ATP10B: variants seen among roughly 807,000 people sequenced by gnomAD.
ATP10B encodes phospholipid-transporting ATPase VB.
Under a neutral mutation model 141.2 loss-of-function variants are expected in ATP10B, and 122 were observed. That is an observed-to-expected ratio of 0.86 (90% CI 0.75 to 1.00). The LOEUF (loss-of-function observed/expected upper bound fraction) is 1.00, where lower values mean the gene tolerates loss of function less well. Among genes scored for constraint, ATP10B ranks in the 50% least tolerant of loss-of-function variants. The probability of loss-of-function intolerance (pLI) is 0.00; values close to 1 mark genes in which losing one functional copy is unlikely to be tolerated. For missense variants in ATP10B, 1,876 were observed against 1,825.3 expected (o/e 1.03, Z -0.51); for synonymous variants, 685 against 692.0 (o/e 0.99, Z 0.16).
chr5:160,819,051 T>C (rs985272698), intron 1 of ATP10B, among the ~76,000 whole-genome samples: 1 of 152,124 alleles, frequency 6.6e-6, no homozygotes, highest in Non-Finnish European at 1.5e-5. Flanking sequence ...CTAATGCTAA[T>C]GACGAGTTAA....
chr5:160,604,181 G>A, intron 19 of ATP10B, 140 bp from the exon 20 acceptor site: 1 of 651,664 alleles, frequency 1.5e-6, no homozygotes, highest in Non-Finnish European at 2.8e-6. Context: ...TTGCTATAGT[G>A]CTTAGCTTGA....
rs1365817593 is a variant in ATP10B at position 160,652,818 on chromosome 5, A to G, written c.676-3562T>C. ...TATAATATATTATATAATATATTAT[A>G]TATTAATTATATATAATATATATTA... On this transcript the variant is annotated intron_variant, in intron 7 of 25. Transcript: ENST00000327245. Among the ~76,000 whole-genome samples the G allele has an allele frequency of 2.9e-5, 3 of 103,916 alleles. 1 individual carries two copies. The highest frequency in any genetic ancestry group is 1.3e-4 in the African/African-American group (3 of 23,926). 68.2% of individuals were successfully genotyped at this position (103,916 alleles called of 152,430 possible).
the ATP10B span, among the ~76,000 whole-genome samples, chr5:160,916,397 G>GTTTTTTTTTTTTTTTTTTTT: frequency 1.3e-5 from 2 of 151,888 alleles, no homozygotes; most frequent in African/African-American, 4.8e-5. Context: ...GGCAAAAGAT[G>GTTTTTTTTTTTTTTTTTTTT]TTTTTTTTGT....
the ATP10B span, among the ~76,000 whole-genome samples, chr5:160,917,481 T>C: frequency 6.6e-6 from 1 of 151,896 alleles, no homozygotes; most frequent in Non-Finnish European, 1.5e-5. Context: ...AACAAACGCT[T>C]TGGGGTGGTT....
intron 13 of ATP10B, among the ~76,000 whole-genome samples, chr5:160,625,347 G>A (rs1211377842): frequency 6.6e-6 from 1 of 152,142 alleles, no homozygotes; most frequent in South Asian, 2.1e-4. Flanking sequence ...TAATCCTTAA[G>A]GCTCAGCAGA....
At chr5:160,855,742 A>T (rs10073642), upstream of ATP10B, among the ~76,000 whole-genome samples, 4 of 151,870 alleles carry the variant, frequency 2.6e-5, no homozygotes, top group African/African-American at 7.2e-5. Flanking sequence ...TAAGTCTATG[A>T]TCCATTTTGA....
At chr5:160,901,013 G>C in the ATP10B span, among the ~76,000 whole-genome samples, 3 of 139,638 alleles carry the variant, frequency 2.1e-5, no homozygotes, top group African/African-American at 7.7e-5. Flanking sequence ...TGATTGCTCT[G>C]AAGTTGTAGG....
intron 1 of ATP10B, among the ~76,000 whole-genome samples, chr5:160,848,122 A>G (rs1274045669): frequency 6.6e-6 from 1 of 152,202 alleles, no homozygotes; most frequent in Admixed American, 6.5e-5. Flanking sequence ...GTGTAAATAC[A>G]TATTAGTTAA....
rs1261073056 is a variant in ATP10B, at chr5:160,826,445, C to A, written c.-576+25496G>T. Among the ~76,000 whole-genome samples, 5 of 152,302 alleles carry A rather than the reference C, an allele frequency of 3.3e-5. 1 individual carries two copies. Among genetic ancestry groups the A allele is most frequent in the African/African-American group, 1.2e-4 (5 of 41,552 alleles). ...GCCTGTCTTACTTTAATCTCTTAAT[C>A]CTTTTATCTTCGTAAGCTGAGGATG... On this transcript the variant is annotated intron_variant, in intron 1 of 25. Coordinates refer to ENST00000327245, the MANE Select transcript of ATP10B (RefSeq NM_025153.3).
At chr5:160,818,263 T>C (rs957885400) in intron 1 of ATP10B, among the ~76,000 whole-genome samples, 3 of 152,204 alleles carry the variant, frequency 2.0e-5, no homozygotes, top group African/African-American at 7.2e-5. Context: ...GACAAGGGGC[T>C]AATATGCAGA....
At chr5:160,906,670 T>C in the ATP10B span, among the ~76,000 whole-genome samples, 11 of 152,318 alleles carry the variant, frequency 7.2e-5, no homozygotes, top group African/African-American at 2.6e-4. Context: ...CCAGGATCTC[T>C]TGCTGCCAGG....
At chr5:160,896,863 C>A in the ATP10B span, among the ~76,000 whole-genome samples, 2 of 152,182 alleles carry the variant, frequency 1.3e-5, no homozygotes, top group African/African-American at 4.8e-5. Flanking sequence ...TTGGCTTCAT[C>A]CCTGGGATGC....
chr5:160,565,641 C>A lies in ATP10B; in HGVS notation c.4198G>T (p.Glu1400Ter). The A allele has an allele frequency of 1.9e-6, 3 of 1,614,076 alleles. No individual in the cohort carries two copies. Among genetic ancestry groups the A allele is most frequent in the Non-Finnish European group, 1.7e-6 (2 of 1,179,978 alleles). Reference protein sequence around the residue: ...RKHVEESVLHEQRCGTECMRD... With the variant: ...RKHVEESVLH ...ATGCACTCCGTGCCACATCTCTGTT[C>A]GTGGAGTACTGACTCTTCCACATGC... The change falls in exon 26 of 26, where the codon GAA becomes TAA. Residue 1400 changes from glutamate (E) to a stop codon, truncating the protein, a stop_gained. Transcript: ENST00000327245. LOFTEE classifies it low-confidence loss of function (END_TRUNC).
At position 160,785,693 on chromosome 5, in the gene ATP10B, T is replaced by C; in HGVS notation, c.-465A>G. 7.8e-7 allele frequency: 1 copy of C among 1,287,760 alleles called. No homozygotes were observed. Among genetic ancestry groups the C allele is most frequent in the Non-Finnish European group, 1.0e-6 (1 of 987,948 alleles). The allele number at this position is 1,287,760 out of a possible 1,614,324, so 79.8% of individuals were successfully genotyped here. A position where few individuals can be genotyped will look rare whatever the true frequency, so the allele number is the denominator to read the frequency against. On this transcript the variant is annotated 5_prime_UTR_variant, in exon 2 of 26. It removes an upstream start codon present in the reference 5' UTR. Coordinates refer to ENST00000327245, the MANE Select transcript of ATP10B (RefSeq NM_025153.3). ...CATCTTGGCAGTGGAGAGGAGTTCA[T>C]TATCTCCACTGAGTGAGATGAATAA...
At chr5:160,723,893 A>G (rs1011729242) in intron 2 of ATP10B, among the ~76,000 whole-genome samples, 3 of 152,214 alleles carry the variant, frequency 2.0e-5, no homozygotes, top group Non-Finnish European at 2.9e-5. Flanking sequence ...ATGCCCATCA[A>G]TGATAGACTG....
At chr5:160,832,483 A>C (rs1775159104) in intron 1 of ATP10B, among the ~76,000 whole-genome samples, 1 of 152,132 alleles carries the variant, frequency 6.6e-6, no homozygotes. Flanking sequence ...CAAGGTATTT[A>C]TTTTAAAATT....
intron 1 of ATP10B, among the ~76,000 whole-genome samples, chr5:160,802,326 A>G (rs116200395): frequency 0.011 from 1,651 of 152,278 alleles, 35 homozygotes; most frequent in African/African-American, 0.038. Context: ...CTGAGGAAAA[A>G]ATCAAGAACA....
chr5:160,893,498 T>TTCC, the ATP10B span, among the ~76,000 whole-genome samples: 12 of 152,144 alleles, frequency 7.9e-5, no homozygotes, highest in Admixed American at 3.3e-4. Flanking sequence ...TCTCTCTAGA[T>TTCC]TCCTCCTCTC....
chr5:160,899,779 G>A, the ATP10B span, among the ~76,000 whole-genome samples: 1 of 152,140 alleles, frequency 6.6e-6, no homozygotes, highest in Non-Finnish European at 1.5e-5. Context: ...TTCTCTGGCT[G>A]GGAGGCTCAG....
Sources: allele counts gnomAD v4.1 joint callset (sites outside exome capture counted in the v4.1 genomes callset), GRCh38; gene constraint gnomAD v4.1.1; transcripts MANE v1.5; gene names NCBI Gene and HGNC (gene_info 2026-07-23, HGNC 2026-07-21).